The following C7orf78 variants were observed in gnomAD, a reference collection of about 807,000 sequenced individuals.
C7orf78 encodes the protein chromosome 7 open reading frame 78.
the C7orf78 span, among the ~76,000 whole-genome samples, chr7:12,505,809 G>C: frequency 1.3e-5 from 2 of 151,996 alleles, no homozygotes; most frequent in Non-Finnish European, 2.9e-5. Flanking sequence ...TATTCAAGTA[G>C]TTCTCCAGTT....
the C7orf78 span, among the ~76,000 whole-genome samples, chr7:12,506,398 C>T: frequency 2.0e-5 from 3 of 152,162 alleles, no homozygotes; most frequent in Non-Finnish European, 4.4e-5. Context: ...ACCCACTTGT[C>T]CATCAGTGAT....
the C7orf78 span, among the ~76,000 whole-genome samples, chr7:12,540,062 G>C: frequency 6.6e-6 from 1 of 152,178 alleles, no homozygotes; most frequent in Non-Finnish European, 1.5e-5. Flanking sequence ...TATTGGGTTG[G>C]TTTCAATGGA....
chr7:12,504,558 A>G, the C7orf78 span: 1 of 152,214 alleles, frequency 6.6e-6, no homozygotes, highest in Admixed American at 6.5e-5. Context: ...TAAGTGAAGT[A>G]ACTGGTTTTC....
At chr7:12,530,176 T>C in the C7orf78 span, among the ~76,000 whole-genome samples, 4 of 152,126 alleles carry the variant, frequency 2.6e-5, no homozygotes, top group Admixed American at 2.0e-4. Context: ...CAGCTTGAGT[T>C]AAGGTAAAGA....
the C7orf78 span, among the ~76,000 whole-genome samples, chr7:12,515,146 G>A: frequency 6.6e-6 from 1 of 152,146 alleles, no homozygotes; most frequent in African/African-American, 2.4e-5. Flanking sequence ...TGGTTTGGCT[G>A]TGTCCTCACC....
the C7orf78 span, among the ~76,000 whole-genome samples, chr7:12,519,986 T>C: frequency 2.2e-4 from 34 of 152,316 alleles, no homozygotes; most frequent in Middle Eastern, 3.4e-3. Context: ...AATGCCCTCA[T>C]TGGGTCTCCA....
At chr7:12,506,479 G>A in the C7orf78 span, among the ~76,000 whole-genome samples, 24 of 152,226 alleles carry the variant, frequency 1.6e-4, no homozygotes, top group Non-Finnish European at 2.9e-4. Flanking sequence ...TGATGAGTTC[G>A]TGTCCTTTGC....
the C7orf78 span, among the ~76,000 whole-genome samples, chr7:12,508,143 G>T: frequency 6.6e-6 from 1 of 152,126 alleles, no homozygotes; most frequent in Admixed American, 6.5e-5. Flanking sequence ...TAAAACTCTT[G>T]TTAATTTTTG....
the C7orf78 span, among the ~76,000 whole-genome samples, chr7:12,509,929 G>T: frequency 6.6e-6 from 1 of 151,710 alleles, no homozygotes; most frequent in African/African-American, 2.4e-5. Flanking sequence ...AGCTACTTTG[G>T]AGGCTGAGGC....
the C7orf78 span, among the ~76,000 whole-genome samples, chr7:12,533,725 C>A: frequency 7.2e-5 from 11 of 151,984 alleles, no homozygotes; most frequent in Non-Finnish European, 1.5e-4. Flanking sequence ...ACCACGTTAG[C>A]CAGGATGGTC....
the C7orf78 span, among the ~76,000 whole-genome samples, chr7:12,519,247 C>T: frequency 2.6e-5 from 4 of 152,190 alleles, no homozygotes; most frequent in African/African-American, 9.7e-5. Context: ...GAACCCCACC[C>T]TCTGTGAGTG....
At chr7:12,541,507 C>G in the C7orf78 span, 10 of 151,726 alleles carry the variant, frequency 6.6e-5, no homozygotes, top group Admixed American at 4.6e-4. Context: ...GGGCACTTTC[C>G]CAGAGGATGT....
the C7orf78 span, chr7:12,528,873 A>G: frequency 2.5e-6 from 1 of 398,250 alleles, no homozygotes; most frequent in East Asian, 3.6e-5. Flanking sequence ...TGCCATTGCT[A>G]AGCCTCTCAT....
chr7:12,516,393 C>T, the C7orf78 span, among the ~76,000 whole-genome samples: 1 of 152,202 alleles, frequency 6.6e-6, no homozygotes, highest in Non-Finnish European at 1.5e-5. Flanking sequence ...AATGCCCAAG[C>T]AGAAGTTTGC....
chr7:12,514,252 G>C, the C7orf78 span, among the ~76,000 whole-genome samples: 1 of 152,018 alleles, frequency 6.6e-6, no homozygotes, highest in East Asian at 1.9e-4. Context: ...CATATACCTA[G>C]AATTGTTATG....
chr7:12,493,572 C>G, the C7orf78 span, among the ~76,000 whole-genome samples: 1 of 152,154 alleles, frequency 6.6e-6, no homozygotes, highest in East Asian at 1.9e-4. Context: ...TGCTCTTGGT[C>G]TGGGGCCACA....
At chr7:12,523,262 C>G in the C7orf78 span, 354 of 398,306 alleles carry the variant, frequency 8.9e-4, no homozygotes, top group African/African-American at 6.6e-3. Context: ...AGAAACAATG[C>G]TTCACTTGCC....
chr7:12,508,223 T>G, the C7orf78 span, among the ~76,000 whole-genome samples: 58 of 152,252 alleles, frequency 3.8e-4, no homozygotes, highest in African/African-American at 1.3e-3. Context: ...ACAGGCTGAG[T>G]ATATATAGGA....
chr7:12,535,034 C>T, the C7orf78 span, among the ~76,000 whole-genome samples: 2 of 128,546 alleles, frequency 1.6e-5, no homozygotes, highest in African/African-American at 5.7e-5. Flanking sequence ...AGATTTCATA[C>T]AAGAAGATCT....
Sources: gnomAD v4.1 joint callset for allele counts (sites outside exome capture counted in the v4.1 genomes callset) on GRCh38, gnomAD v4.1.1 for gene constraint, MANE v1.5 for transcripts, NCBI Gene and HGNC (gene_info 2026-07-23, HGNC 2026-07-21) for gene names.